The following PHIP variants were observed in gnomAD, a reference collection of about 807,000 sequenced individuals.
PHIP encodes the protein PH-interacting protein.
Under a neutral mutation model 236.8 loss-of-function variants are expected in PHIP, and 54 were observed. That is an observed-to-expected ratio of 0.23 (90% CI 0.18 to 0.29). The LOEUF (loss-of-function observed/expected upper bound fraction) is 0.29, where lower values mean the gene tolerates loss of function less well. Ranked by LOEUF, PHIP falls within the 10% of genes least tolerant of loss-of-function variation. The probability of loss-of-function intolerance (pLI) is 1.00; values close to 1 mark genes in which losing one functional copy is unlikely to be tolerated. For synonymous variants in PHIP, 756 were observed against 718.9 expected (o/e 1.05, Z -0.83); for missense variants, 1,370 against 2,190.8 (o/e 0.63, Z 7.48).
chr6:79,049,446 T>C (rs1772678459), intron 6 of PHIP, among the ~76,000 whole-genome samples: 1 of 152,206 alleles, frequency 6.6e-6, no homozygotes, highest in South Asian at 2.1e-4. Flanking sequence ...AATGCAAAAG[T>C]AATTATAATT....
chr6:79,067,413 ACT>A (rs1415070998), intron 4 of PHIP, among the ~76,000 whole-genome samples: 1 of 151,948 alleles, frequency 6.6e-6, no homozygotes, highest in East Asian at 1.9e-4. Context: ...ATCCATTTTA[ACT>A]CTTTTTCATA....
At chr6:79,062,208 C>A (rs1025250890) in intron 4 of PHIP, among the ~76,000 whole-genome samples, 1 of 152,164 alleles carries the variant, frequency 6.6e-6, no homozygotes, top group African/African-American at 2.4e-5. Flanking sequence ...ACATTGAAGT[C>A]TCTGAAAAAT....
chr6:79,022,522 A>G (rs1047481600), intron 9 of PHIP, among the ~76,000 whole-genome samples: 2 of 152,134 alleles, frequency 1.3e-5, no homozygotes, highest in African/African-American at 4.8e-5. Context: ...TAATAACTGT[A>G]CCTTTCTCAA....
At chr6:78,997,352 G>A in intron 19 of PHIP, 62 bp downstream of exon 19, 1 of 1,413,038 alleles carries the variant, frequency 7.1e-7, no homozygotes, top group Non-Finnish European at 9.9e-7. Flanking sequence ...AGCTGTGAAT[G>A]CTGTTAACTC....
At chr6:78,961,912 A>C in intron 30 of PHIP, 102 bp from the exon 31 acceptor site, 2 of 813,100 alleles carry the variant, frequency 2.5e-6, no homozygotes, top group Non-Finnish European at 1.9e-6. Context: ...AATCTACATA[A>C]TCATTAGTCT....
intron 7 of PHIP, among the ~76,000 whole-genome samples, chr6:79,040,129 T>C (rs1012894612): frequency 2.0e-5 from 3 of 152,170 alleles, no homozygotes; most frequent in Non-Finnish European, 4.4e-5. Context: ...TTTTGTTCAG[T>C]ACTAATTATA....
At chr6:79,060,111 A>G (rs1396985677) in intron 6 of PHIP, among the ~76,000 whole-genome samples, 1 of 151,958 alleles carries the variant, frequency 6.6e-6, no homozygotes, top group Non-Finnish European at 1.5e-5. Flanking sequence ...AAAAAGAAAA[A>G]AAAAAAAAAG....
chr6:78,976,638 C>G (rs1451975175), intron 24 of PHIP, among the ~76,000 whole-genome samples: 1 of 146,038 alleles, frequency 6.8e-6, no homozygotes, highest in Non-Finnish European at 1.5e-5. Context: ...TGACAAAGGG[C>G]TAATATCCAG....
At chr6:79,077,091 C>T (rs76371902) in intron 4 of PHIP, among the ~76,000 whole-genome samples, 2,950 of 152,156 alleles carry the variant, frequency 0.019, 88 homozygotes, top group African/African-American at 0.067. Flanking sequence ...CGCGCTCTCC[C>T]TCTTCGCGCC....
intron 6 of PHIP, among the ~76,000 whole-genome samples, chr6:79,059,254 G>A (rs924666762): frequency 4.0e-5 from 6 of 151,824 alleles, no homozygotes; most frequent in Non-Finnish European, 7.4e-5. Flanking sequence ...GAACACAGAG[G>A]TTATTTTAAG....
At chr6:78,948,763 G>C (rs1773973051) in intron 35 of PHIP, among the ~76,000 whole-genome samples, 1 of 152,068 alleles carries the variant, frequency 6.6e-6, no homozygotes, top group Non-Finnish European at 1.5e-5. Flanking sequence ...CAAAGTGCTG[G>C]GATTATAGGC....
At chr6:79,046,342 C>G (rs1772482445) in intron 6 of PHIP, among the ~76,000 whole-genome samples, 1 of 152,162 alleles carries the variant, frequency 6.6e-6, no homozygotes, top group Admixed American at 6.6e-5. Context: ...CTGAAAATAG[C>G]AACACAGCCC....
chr6:78,970,582 T>C (rs1253413268), intron 25 of PHIP, among the ~76,000 whole-genome samples, 199 bp downstream of exon 25: 1 of 152,166 alleles, frequency 6.6e-6, no homozygotes, highest in Non-Finnish European at 1.5e-5. Flanking sequence ...TAAACTGCAT[T>C]GGAGTATATA....
In PHIP at chr6:78,972,960, A is replaced by T. The variant is rs993138270; in HGVS notation, c.2890-2072T>A. 7.5e-5 allele frequency among the ~76,000 whole-genome samples: 11 copies of T among 146,716 alleles called. No homozygotes were observed. In the Middle Eastern group the frequency reaches 0.014, roughly 184 times the overall value. ...ACCAAGTTGGAAAACACTGCAGGAT[A>T]TTATCCACGAGAATTTCCCCAATCT... On this transcript the variant is annotated intron_variant, in intron 24 of 39. Transcript: ENST00000275034.
chr6:79,033,039 A>G (rs1181154634), intron 7 of PHIP, among the ~76,000 whole-genome samples: 1 of 152,136 alleles, frequency 6.6e-6, no homozygotes, highest in Non-Finnish European at 1.5e-5. Context: ...CTTGTTAATG[A>G]ACAGTAATAT....
At chr6:79,001,298 A>G (rs1443672080) in intron 17 of PHIP, among the ~76,000 whole-genome samples, 1 of 152,070 alleles carries the variant, frequency 6.6e-6, no homozygotes. Flanking sequence ...TAATTCTTCA[A>G]CACTCCATTA....
At chr6:78,949,503 T>C (rs1415405085) in intron 35 of PHIP, among the ~76,000 whole-genome samples, 10 of 152,142 alleles carry the variant, frequency 6.6e-5, no homozygotes, top group African/African-American at 2.4e-4. Flanking sequence ...ACTGGAATTA[T>C]TCAAACTAGC....
Position 78,940,672 on chromosome 6 carries a change from A to G in PHIP, c.*21T>C. 6.7e-7 allele frequency: 1 copy of G among 1,484,976 alleles called. No homozygotes were observed. Among genetic ancestry groups the G allele is most frequent in the South Asian group, 1.2e-5 (1 of 86,400 alleles). 92.0% of individuals were successfully genotyped at this position (1,484,976 alleles called of 1,614,324 possible). A position where few individuals can be genotyped will look rare whatever the true frequency, so the allele number is the denominator to read the frequency against. On this transcript the variant is annotated 3_prime_UTR_variant, in exon 40 of 40. Coordinates refer to ENST00000275034, the MANE Select transcript of PHIP (RefSeq NM_017934.7). ...ACTGTACCTGCTTTATAGATTTTGAAGTAAAATATTTTGGTACAAGTTACC... is the reference window on the plus strand; with the variant it reads ...ACTGTACCTGCTTTATAGATTTTGAGGTAAAATATTTTGGTACAAGTTACC...
At chr6:79,029,815 A>G (rs1771582816) in intron 7 of PHIP, among the ~76,000 whole-genome samples, 1 of 152,150 alleles carries the variant, frequency 6.6e-6, no homozygotes, top group African/African-American at 2.4e-5. Context: ...CAGGCTATAA[A>G]TGTGTTTTAA....
Sources: gnomAD v4.1 joint callset for allele counts (sites outside exome capture counted in the v4.1 genomes callset) on GRCh38, gnomAD v4.1.1 for gene constraint, MANE v1.5 for transcripts, NCBI Gene and HGNC (gene_info 2026-07-23, HGNC 2026-07-21) for gene names.